ZNF804B: variants seen among roughly 807,000 people sequenced by gnomAD.
The protein encoded by ZNF804B is zinc finger 804B.
A neutral mutation model predicts 101.4 loss-of-function variants in ZNF804B; 80 were observed. That is an observed-to-expected ratio of 0.79 (90% confidence interval 0.66 to 0.95). The LOEUF is 0.95. Among genes scored for constraint, ZNF804B ranks in the 40% least tolerant of loss-of-function variants. The probability of loss-of-function intolerance (pLI) is 0.00; values close to 1 mark genes in which losing one functional copy is unlikely to be tolerated. For synonymous variants in ZNF804B, 622 were observed against 558.8 expected (o/e 1.11, Z -1.59); for missense variants, 1,673 against 1,561.9 (o/e 1.07, Z -1.20).
chr7:89,082,587 C>T lies in ZNF804B; in HGVS notation c.109-135568C>T, dbSNP rs561261187. ...ATAGTAAAAATAATAAAACTAGTAACTCTTCTTCTTTGAAATGCCATCTAT... is the reference window on the plus strand; with the variant it reads ...ATAGTAAAAATAATAAAACTAGTAATTCTTCTTCTTTGAAATGCCATCTAT... On this transcript the variant is annotated intron_variant, in intron 1 of 3. Transcript: ENST00000333190. 4.6e-5 allele frequency among the ~76,000 whole-genome samples: 7 copies of T among 151,778 alleles called. No homozygotes were observed. The South Asian group carries it at 1.2e-3, about 27-fold the overall frequency.
chr7:89,247,132 A>C (rs1789461645), intron 2 of ZNF804B, among the ~76,000 whole-genome samples: 1 of 152,192 alleles, frequency 6.6e-6, no homozygotes. Flanking sequence ...GAGATTTCCT[A>C]GTTCCACACA....
At chr7:89,096,784 TTATTTA>T (rs1408049977) in intron 1 of ZNF804B, among the ~76,000 whole-genome samples, 1 of 152,194 alleles carries the variant, frequency 6.6e-6, no homozygotes, top group Non-Finnish European at 1.5e-5. Context: ...TTTTCTAAGT[TTATTTA>T]TTTTTATTGC....
In ZNF804B at chr7:88,910,866, C is replaced by A. The variant is rs115142141; in HGVS notation, c.108+150782C>A. Among the ~76,000 whole-genome samples, 311 of 152,034 alleles carry A rather than the reference C, an allele frequency of 2.0e-3. 2 individuals are homozygous for A. Among genetic ancestry groups the A allele is most frequent in the African/African-American group, 7.4e-3 (307 of 41,524 alleles). Reference sequence around the variant, plus strand: ...AGTTGTAAAACTCACAATATTCTTCCAGCAAGCCTTTCTGCATGCCAGAGT... The same window carrying A: ...AGTTGTAAAACTCACAATATTCTTCAAGCAAGCCTTTCTGCATGCCAGAGT... On this transcript the variant is annotated intron_variant, in intron 1 of 3. Transcript: ENST00000333190.
intron 1 of ZNF804B, among the ~76,000 whole-genome samples, chr7:88,854,414 CCTTTCTTTCTTTCTTTCTTTCTTTCTTT>C (rs71120039): frequency 1.8e-5 from 1 of 57,076 alleles, no homozygotes; most frequent in Admixed American, 2.0e-4. Context: ...TTTCTTTCTT[CCTTTCTTTCTTTCTTTCTTTCTTTCTTT>C]CTTTCTTTCT....
chr7:89,298,214 G>GTATATATATATATATA (rs1187893918), intron 2 of ZNF804B, among the ~76,000 whole-genome samples: 2 of 58,712 alleles, frequency 3.4e-5, no homozygotes, highest in Admixed American at 2.6e-4. Context: ...GTGTGTGTGT[G>GTATATATATATATATA]TGTATATATA....
In ZNF804B at chr7:89,208,145, A is replaced by G. The variant is rs1382297644; in HGVS notation, c.109-10010A>G. ...CGTCCAGGCTGGAGTGCAGTGGCAC[A>G]ATCTCGGCTCACTGCAAGCTCTGCC... On this transcript the variant is annotated intron_variant, in intron 1 of 3. Transcript: ENST00000333190. Among the ~76,000 whole-genome samples, 6 of 149,960 alleles carry G rather than the reference A, an allele frequency of 4.0e-5. No homozygotes were observed. The South Asian group carries it at 6.3e-4, about 16-fold the overall frequency.
intron 1 of ZNF804B, among the ~76,000 whole-genome samples, chr7:88,947,217 T>C (rs1301243096): frequency 6.6e-6 from 1 of 152,004 alleles, no homozygotes; most frequent in African/African-American, 2.4e-5. Flanking sequence ...CATGCACACA[T>C]TTGTTTATTG....
In ZNF804B at chr7:89,177,340, T is replaced by A. The variant is rs1268284538; in HGVS notation, c.109-40815T>A. On this transcript the variant is annotated intron_variant, in intron 1 of 3. Coordinates refer to ENST00000333190, the MANE Select transcript of ZNF804B (RefSeq NM_181646.5). ...GTTTTCATTTTCATTTAAGACACTT[T>A]AAAAATTTTTCTTCTTAATTTCTTC... Among the ~76,000 whole-genome samples the A allele has an allele frequency of 2.0e-5, 3 of 152,208 alleles. No individual in the cohort carries two copies. The South Asian group carries it at 6.2e-4, about 32-fold the overall frequency.
intron 1 of ZNF804B, among the ~76,000 whole-genome samples, chr7:89,009,513 G>A (rs1269125655): frequency 6.6e-6 from 1 of 152,182 alleles, no homozygotes; most frequent in African/African-American, 2.4e-5. Flanking sequence ...GCAATGGACT[G>A]AATGTTTATG....
intron 1 of ZNF804B, among the ~76,000 whole-genome samples, chr7:88,810,441 C>A (rs1292264052): frequency 1.3e-5 from 2 of 151,690 alleles, no homozygotes; most frequent in Non-Finnish European, 2.9e-5. Context: ...TTGCCTGAGC[C>A]CAGGAGTTCG....
chr7:89,066,534 C>A (rs1345382807), intron 1 of ZNF804B, among the ~76,000 whole-genome samples: 1 of 151,940 alleles, frequency 6.6e-6, no homozygotes, highest in East Asian at 1.9e-4. Flanking sequence ...TGACGCCTGG[C>A]CAAAATTATC....
intron 2 of ZNF804B, among the ~76,000 whole-genome samples, chr7:89,305,551 G>A (rs1314849987): frequency 1.3e-5 from 2 of 151,844 alleles, no homozygotes; most frequent in East Asian, 1.9e-4. Context: ...GTTGTTTGTA[G>A]CATGTCTTTT....
At position 89,335,923 on chromosome 7, in the gene ZNF804B, G is replaced by A. The variant is rs764151155; in HGVS notation, c.2941G>A (p.Glu981Lys). 9.9e-6 allele frequency: 16 copies of A among 1,613,872 alleles called. No homozygotes were observed. The East Asian group carries it at 3.1e-4, about 31-fold the overall frequency. ...TAACAGACAAGCATTGCCTTTGTCT[G>A]AAAAAATACAGTATGCAAGTGAGAG... ...GCNRQALPLS[E>K]KIQYASESRN... is the part of the protein sequence containing the mutation. The change falls in exon 4 of 4, where the codon GAA (glutamate) becomes AAA (lysine). Residue 981 changes from glutamate to lysine, a missense_variant. Transcript: ENST00000333190.
At chr7:89,038,666 T>G (rs942884967) in intron 1 of ZNF804B, among the ~76,000 whole-genome samples, 1 of 152,146 alleles carries the variant, frequency 6.6e-6, no homozygotes, top group Non-Finnish European at 1.5e-5. Flanking sequence ...GCTATTCAGT[T>G]TGATATAATC....
At chr7:89,103,005 T>G (rs368660811) in intron 1 of ZNF804B, among the ~76,000 whole-genome samples, 1 of 149,882 alleles carries the variant, frequency 6.7e-6, no homozygotes, top group African/African-American at 2.4e-5. Context: ...GACAGTGGTT[T>G]TATTTCTGGG....
chr7:89,020,369 G>C (rs1483566419), intron 1 of ZNF804B, among the ~76,000 whole-genome samples: 1 of 151,956 alleles, frequency 6.6e-6, no homozygotes, highest in Admixed American at 6.6e-5. Flanking sequence ...GTTTGTTTTA[G>C]TATTTTGAAT....
At chr7:89,079,453 A>T (rs569716452) in intron 1 of ZNF804B, among the ~76,000 whole-genome samples, 107 of 152,196 alleles carry the variant, frequency 7.0e-4, no homozygotes, top group Non-Finnish European at 1.2e-3. Flanking sequence ...ACTCTTAGGC[A>T]GGTAACCCTT....
intron 1 of ZNF804B, among the ~76,000 whole-genome samples, chr7:88,993,318 T>C (rs556329339): frequency 6.6e-6 from 1 of 152,190 alleles, no homozygotes; most frequent in African/African-American, 2.4e-5. Flanking sequence ...TGTTGAAGTC[T>C]AGAAAATTTA....
intron 1 of ZNF804B, among the ~76,000 whole-genome samples, chr7:88,842,121 C>G (rs907948789): frequency 6.6e-6 from 1 of 152,142 alleles, no homozygotes; most frequent in African/African-American, 2.4e-5. Context: ...CTAAATCCAT[C>G]TCAGTTTTTA....
Sources: allele counts gnomAD v4.1 joint callset (sites outside exome capture counted in the v4.1 genomes callset), GRCh38; gene constraint gnomAD v4.1.1; transcripts MANE v1.5; gene names NCBI Gene and HGNC (gene_info 2026-07-23, HGNC 2026-07-21).